The following L3MBTL1 variants were observed in gnomAD, a reference collection of about 807,000 sequenced individuals.
L3MBTL1 encodes the protein L3MBTL histone methyl-lysine binding protein 1.
A neutral mutation model predicts 105.3 loss-of-function variants in L3MBTL1; 75 were observed. That is an observed-to-expected ratio of 0.71 (90% CI 0.59 to 0.86). L3MBTL1 has a LOEUF of 0.86. Among genes scored for constraint, L3MBTL1 ranks in the 40% least tolerant of loss-of-function variants. The pLI is 0.00. For missense variants in L3MBTL1, 1,069 were observed against 1,126.4 expected (o/e 0.95, Z 0.73); for synonymous variants, 452 against 436.2 (o/e 1.04, Z -0.45).
intron 19 of L3MBTL1, among the ~76,000 whole-genome samples, chr20:43,537,491 T>TTAG (rs11473695): frequency 6.6e-6 from 1 of 151,982 alleles, no homozygotes; most frequent in African/African-American, 2.4e-5. Context: ...ATGACTTCAT[T>TTAG]TTAACTTAAT....
chr20:43,528,684 C>T lies in L3MBTL1; in HGVS notation c.890C>T (p.Ser297Leu), dbSNP rs143835872. ...PATGEKKECW[S>L]WESYLEEQKA... is the part of the protein sequence containing the mutation. The stretch of plus-strand genomic sequence containing the variant: ...ACAGGTGAGAAGAAGGAATGCTGGT[C>T]GTGGGAGTCCTACCTAGAGGAGCAG... Residue 297 changes from serine to leucine, a missense_variant, in exon 8 of 22, where the codon TCG becomes TTG. Ser to Leu is a moderately radical substitution (Grantham distance 145). Transcript: ENST00000418998. 95 of 1,613,960 alleles carry T rather than the reference C, an allele frequency of 5.9e-5. No individual in the cohort carries two copies. Among genetic ancestry groups the T allele is most frequent in the Non-Finnish European group, 6.7e-5 (79 of 1,179,954 alleles).
rs1568924617 is a variant in L3MBTL1 at position 43,530,399 on chromosome 20, A to C, written c.1172A>C (p.His391Pro). Residue 391 changes from histidine to proline, a missense_variant, in exon 10 of 22, where the codon CAC (histidine) becomes CCC (proline). By Grantham distance (77) the His-to-Pro change is moderately conservative (BLOSUM62 -2). Coordinates refer to ENST00000418998, the MANE Select transcript of L3MBTL1 (RefSeq NM_001377303.1). Reference protein sequence around the residue: ...HPAGWFEKTGHKLQPPKGYKE... With the variant: ...HPAGWFEKTGPKLQPPKGYKE... ...GCTGGCTGGTTCGAGAAGACGGGCC[A>C]CAAGCTGCAGCCTCCCAAAGGTAAG... is the stretch of plus-strand genomic sequence containing the variant. The C allele has an allele frequency of 3.7e-6, 6 of 1,614,160 alleles. No homozygotes were observed. The highest frequency in any genetic ancestry group is 5.1e-6 in the Non-Finnish European group (6 of 1,180,014).
At chr20:43,550,097 A>AC (rs1157320954) in exon 19 of L3MBTL1, 1 of 151,912 alleles carries the variant, frequency 6.6e-6, no homozygotes, top group African/African-American at 2.4e-5. Context: ...TGACATTGGT[A>AC]CCCCCTTGGC....
chr20:43,520,450 GT>G, intron 7 of L3MBTL1, among the ~76,000 whole-genome samples: 1 of 152,282 alleles, frequency 6.6e-6, no homozygotes, highest in African/African-American at 2.4e-5. Flanking sequence ...GTAACTCCAT[GT>G]TTAGCCTTTT....
intron 7 of L3MBTL1, among the ~76,000 whole-genome samples, chr20:43,522,193 A>G (rs1480569493): frequency 2.0e-5 from 3 of 152,058 alleles, no homozygotes; most frequent in Non-Finnish European, 4.4e-5. Context: ...CATCTCTACT[A>G]AGAATACAAA....
At chr20:43,549,445 T>G (rs564842528) in exon 19 of L3MBTL1, 28 of 152,418 alleles carry the variant, frequency 1.8e-4, no homozygotes, top group African/African-American at 5.8e-4. Context: ...CCTGAAGCCC[T>G]CCTTGCCGCT....
chr20:43,538,351 T>C (rs1342644064), intron 19 of L3MBTL1, among the ~76,000 whole-genome samples: 1 of 152,206 alleles, frequency 6.6e-6, no homozygotes, highest in Non-Finnish European at 1.5e-5. Flanking sequence ...GCTGAGACTA[T>C]GTCACGGAAC....
At chr20:43,510,464 G>A (rs1718294479) in intron 1 of L3MBTL1, among the ~76,000 whole-genome samples, 2 of 148,330 alleles carry the variant, frequency 1.3e-5, no homozygotes, top group Admixed American at 1.3e-4. Context: ...GAGTGCAGTG[G>A]CATGATCTTG....
At chr20:43,545,769 A>G (rs1050098529), downstream of L3MBTL1, among the ~76,000 whole-genome samples, 3 of 152,170 alleles carry the variant, frequency 2.0e-5, no homozygotes, top group Admixed American at 6.5e-5. Flanking sequence ...TTTGGGGGAA[A>G]GGTTTTTAGC....
At position 43,530,765 on chromosome 20, in the gene L3MBTL1, C is replaced by T. The variant is rs757125087; in HGVS notation, c.1193-33C>T. Reference sequence around the variant, plus strand: ...CCCTTGCTGTGGCCCAGCCTCTGCACGGCGCTCTGTTCATGCCCCTCGAGG... The same window carrying T: ...CCCTTGCTGTGGCCCAGCCTCTGCATGGCGCTCTGTTCATGCCCCTCGAGG... On this transcript the variant is annotated intron_variant, in intron 10 of 21. Transcript: ENST00000418998. 2.3e-5 allele frequency: 36 copies of T among 1,599,400 alleles called. No homozygotes were observed. The Middle Eastern group carries it at 1.5e-3, about 66-fold the overall frequency.
chr20:43,544,739 C>T (rs1324999250), downstream of L3MBTL1, among the ~76,000 whole-genome samples: 3 of 152,050 alleles, frequency 2.0e-5, no homozygotes, highest in Non-Finnish European at 4.4e-5. Flanking sequence ...CCAAGGCGGG[C>T]GGATTATTTG....
At chr20:43,516,968 A>AT (rs1194385889) in intron 7 of L3MBTL1, among the ~76,000 whole-genome samples, 1 of 151,472 alleles carries the variant, frequency 6.6e-6, no homozygotes, top group Non-Finnish European at 1.5e-5. Flanking sequence ...AATTTTTTAA[A>AT]TTTTTGTTAT....
rs200058195 is a variant in L3MBTL1 at position 43,528,752 on chromosome 20, T to C, written c.951+7T>C. 2 of 1,608,980 alleles carry C rather than the reference T, an allele frequency of 1.2e-6. No individual in the cohort carries two copies. The highest frequency in any genetic ancestry group is 2.7e-5 in the African/African-American group (2 of 74,928). On this transcript the variant is annotated splice_region_variant and intron_variant, in intron 8 of 21. Coordinates refer to ENST00000418998, the MANE Select transcript of L3MBTL1 (RefSeq NM_001377303.1). ...AGTCAGCCTCTTCCAGGACGTGAGT[T>C]GGACAATTTCCCCGTAGGAACAGCT...
At chr20:43,550,447 T>C (rs1336146447) in exon 19 of L3MBTL1, 1 of 152,184 alleles carries the variant, frequency 6.6e-6, no homozygotes, top group Non-Finnish European at 1.5e-5. Flanking sequence ...TCAAACTCTT[T>C]GGAAAGAAAC....
At chr20:43,521,907 T>G (rs996995830) in intron 7 of L3MBTL1, among the ~76,000 whole-genome samples, 5 of 152,192 alleles carry the variant, frequency 3.3e-5, no homozygotes, top group African/African-American at 1.2e-4. Context: ...TTTAACGTAA[T>G]TTCAAAGTAG....
intron 7 of L3MBTL1, among the ~76,000 whole-genome samples, chr20:43,518,715 A>G (rs2018535226): frequency 1.3e-5 from 2 of 151,910 alleles, no homozygotes; most frequent in Non-Finnish European, 2.9e-5. Context: ...TATGATAAAT[A>G]ATACACTTTA....
chr20:43,537,888 C>A (rs542749021), intron 19 of L3MBTL1, among the ~76,000 whole-genome samples: 1 of 152,164 alleles, frequency 6.6e-6, no homozygotes, highest in Admixed American at 6.5e-5. Context: ...CTTTTACAGG[C>A]TGAGAGATCT....
At chr20:43,514,352 G>A in intron 3 of L3MBTL1, 1 of 1,250,960 alleles carries the variant, frequency 8.0e-7, no homozygotes, top group Admixed American at 2.9e-5. Flanking sequence ...GTTAGTTTGG[G>A]GGCGTGGCTT....
At chr20:43,514,180 A>G in intron 3 of L3MBTL1, 119 bp downstream of exon 3, 1 of 928,612 alleles carries the variant, frequency 1.1e-6, no homozygotes, top group Non-Finnish European at 1.6e-6. Context: ...GATGGGCCCT[A>G]GGGGTGGGCT....
Sources: gnomAD v4.1 joint callset for allele counts (sites outside exome capture counted in the v4.1 genomes callset) on GRCh38, gnomAD v4.1.1 for gene constraint, MANE v1.5 for transcripts, NCBI Gene and HGNC (gene_info 2026-07-23, HGNC 2026-07-21) for gene names.